CDH13: variants seen among roughly 807,000 people sequenced by gnomAD.
CDH13 encodes the protein cadherin-13.
CDH13 carries 24 observed loss-of-function variants against 63.8 expected under a neutral mutation model. That is an observed-to-expected ratio of 0.38 (90% confidence interval 0.27 to 0.53). The LOEUF (loss-of-function observed/expected upper bound fraction) is 0.53. CDH13 is among the 20% of genes least tolerant of loss of function. CDH13 has a pLI of 0.85. For missense variants in CDH13, 1,049 were observed against 903.1 expected (o/e 1.16, Z -2.07); for synonymous variants, 503 against 355.3 (o/e 1.42, Z -4.67).
At chr16:83,084,024 T>G (rs1188457709) in intron 3 of CDH13, among the ~76,000 whole-genome samples, 1 of 152,212 alleles carries the variant, frequency 6.6e-6, no homozygotes, top group East Asian at 1.9e-4. Flanking sequence ...CCTATCATAA[T>G]TTTTACTACA....
intron 6 of CDH13, among the ~76,000 whole-genome samples, chr16:83,422,541 T>TA (rs1268154826): frequency 6.6e-6 from 1 of 152,238 alleles, no homozygotes; most frequent in Non-Finnish European, 1.5e-5. Flanking sequence ...AATTAATACT[T>TA]ACGATAAATG....
At chr16:83,113,716 TG>T (rs2035171107) in intron 3 of CDH13, among the ~76,000 whole-genome samples, 2 of 151,086 alleles carry the variant, frequency 1.3e-5, no homozygotes, top group African/African-American at 4.9e-5. Context: ...GAAGGATGGG[TG>T]GGGGGTTAAC....
chr16:83,274,094 G>T (rs193136362), intron 5 of CDH13, among the ~76,000 whole-genome samples: 2 of 152,218 alleles, frequency 1.3e-5, no homozygotes, highest in Admixed American at 1.3e-4. Flanking sequence ...ACACCCTCTC[G>T]CCTTCCCCCA....
chr16:82,637,427 C>A (rs1455908048), intron 1 of CDH13, among the ~76,000 whole-genome samples: 1 of 54,752 alleles, frequency 1.8e-5, no homozygotes, highest in African/African-American at 8.5e-5. Context: ...AGTTACTGTG[C>A]CTTTTTTTTT....
rs114260206 is a variant in CDH13 at position 83,453,828 on chromosome 16, C to G, written c.782-32649C>G. The stretch of plus-strand genomic sequence containing the variant: ...TGGTTCACAGCCTCCCCAAATCAGC[C>G]TGCTCTGTTCAGGGGACCATATGTG... On this transcript the variant is annotated intron_variant, in intron 6 of 13. Transcript: ENST00000567109. Among the ~76,000 whole-genome samples, 1,303 of 152,324 alleles carry G rather than the reference C, an allele frequency of 8.6e-3. 25 individuals carry two copies. The highest frequency in any genetic ancestry group is 0.03 in the African/African-American group (1,265 of 41,556).
At chr16:82,961,107 C>T (rs1402549297) in intron 2 of CDH13, among the ~76,000 whole-genome samples, 7 of 152,176 alleles carry the variant, frequency 4.6e-5, no homozygotes, top group Admixed American at 2.6e-4. Context: ...TCCCCACACC[C>T]CCTGAGCTGG....
intron 2 of CDH13, among the ~76,000 whole-genome samples, chr16:82,998,624 C>G (rs550434010): frequency 6.6e-6 from 1 of 152,232 alleles, no homozygotes; most frequent in Non-Finnish European, 1.5e-5. Context: ...AATTTAGATC[C>G]TTCTCTTGGG....
intron 2 of CDH13, among the ~76,000 whole-genome samples, chr16:82,899,372 C>G (rs1458272580): frequency 6.6e-6 from 1 of 152,164 alleles, no homozygotes; most frequent in African/African-American, 2.4e-5. Context: ...TACAATACAT[C>G]AATGGTTTAC....
chr16:82,658,181 T>G (rs753932100), intron 1 of CDH13, among the ~76,000 whole-genome samples: 2 of 152,234 alleles, frequency 1.3e-5, no homozygotes, highest in Non-Finnish European at 2.9e-5. Context: ...TCTATTGATA[T>G]GTGCATATGA....
At chr16:82,656,072 G>A (rs16958022) in intron 1 of CDH13, among the ~76,000 whole-genome samples, 3,136 of 152,260 alleles carry the variant, frequency 0.021, 91 homozygotes, top group African/African-American at 0.069. Context: ...CTCTGATTTC[G>A]ATTTGGAAGT....
At chr16:83,584,337 T>G (rs1905937047) in intron 7 of CDH13, among the ~76,000 whole-genome samples, 1 of 152,136 alleles carries the variant, frequency 6.6e-6, no homozygotes, top group Non-Finnish European at 1.5e-5. Flanking sequence ...TCAAAAATTT[T>G]TAAAAAATGC....
At chr16:82,761,111 C>T (rs189996233) in intron 1 of CDH13, among the ~76,000 whole-genome samples, 11 of 140,902 alleles carry the variant, frequency 7.8e-5, no homozygotes, top group African/African-American at 2.9e-4. Flanking sequence ...GCAACCTCTG[C>T]CTTCCAGGTT....
chr16:83,031,312 C>T lies in CDH13; in HGVS notation c.158-698C>T, dbSNP rs557261910. Among the ~76,000 whole-genome samples the T allele has an allele frequency of 1.1e-4, 7 of 61,528 alleles. 1 individual carries two copies. The South Asian group carries it at 2.8e-3, about 24-fold the overall frequency. 40.4% of individuals were successfully genotyped at this position (61,528 alleles called of 152,430 possible). A position where few individuals can be genotyped will look rare whatever the true frequency, so the allele number is the denominator to read the frequency against. On this transcript the variant is annotated intron_variant, in intron 2 of 13. Coordinates refer to ENST00000567109, the MANE Select transcript of CDH13 (RefSeq NM_001257.5). ...ACATGCGCATGTATCCATGCGCATG[C>T]ATAGGCATGTATATATATGTATATG...
At chr16:83,530,610 C>T (rs1443975989) in intron 7 of CDH13, among the ~76,000 whole-genome samples, 1 of 152,200 alleles carries the variant, frequency 6.6e-6, no homozygotes, top group African/African-American at 2.4e-5. Context: ...AACCACGCAC[C>T]AACCATCACA....
chr16:82,928,761 T>C (rs1405932191), intron 2 of CDH13, among the ~76,000 whole-genome samples: 2 of 152,216 alleles, frequency 1.3e-5, no homozygotes, highest in African/African-American at 4.8e-5. Context: ...AAGAAGAGCT[T>C]ACACTTTTTA....
chr16:82,736,553 A>T (rs186306838), intron 1 of CDH13, among the ~76,000 whole-genome samples: 1 of 152,128 alleles, frequency 6.6e-6, no homozygotes, highest in East Asian at 1.9e-4. Flanking sequence ...TCCCATTCCA[A>T]TGCCTGGTAC....
intron 2 of CDH13, among the ~76,000 whole-genome samples, chr16:82,968,690 C>T (rs914357942): frequency 4.6e-5 from 7 of 152,212 alleles, no homozygotes; most frequent in Non-Finnish European, 7.3e-5. Flanking sequence ...TTATTCTCTT[C>T]TTGGCAGCTC....
chr16:82,803,770 T>C (rs1452970615), intron 1 of CDH13, among the ~76,000 whole-genome samples: 2 of 152,178 alleles, frequency 1.3e-5, no homozygotes, highest in South Asian at 2.1e-4. Flanking sequence ...GTATCTAAAA[T>C]AGTCAGACTA....
intron 1 of CDH13, among the ~76,000 whole-genome samples, chr16:82,853,701 A>C (rs533793264): frequency 6.6e-6 from 1 of 152,354 alleles, no homozygotes; most frequent in South Asian, 2.1e-4. Flanking sequence ...TTTGTTAATC[A>C]TAGAATTTGA....
Sources: allele counts gnomAD v4.1 joint callset (sites outside exome capture counted in the v4.1 genomes callset), GRCh38; gene constraint gnomAD v4.1.1; transcripts MANE v1.5; gene names NCBI Gene and HGNC (gene_info 2026-07-23, HGNC 2026-07-21).